Variants in MOB4 observed in about 807,000 individuals in gnomAD.
The protein encoded by MOB4 is MOB family member 4, phocein.
Under a neutral mutation model 32.2 loss-of-function variants are expected in MOB4, and 4 were observed. That is an observed-to-expected ratio of 0.12 (90% CI 0.06 to 0.28). MOB4 has a LOEUF of 0.28. MOB4 is among the 10% of genes least tolerant of loss of function. The probability of loss-of-function intolerance (pLI) is 1.00; values close to 1 mark genes in which losing one functional copy is unlikely to be tolerated. For synonymous variants in MOB4, 88 were observed against 88.1 expected, an observed-to-expected ratio of 1.00 and a Z score of 0.01; for missense variants, 158 against 271.2, an observed-to-expected ratio of 0.58 and a Z score of 2.93.
intron 2 of MOB4, among the ~76,000 whole-genome samples, chr2:197,524,225 T>G (rs2086569294): frequency 6.6e-6 from 1 of 151,894 alleles, no homozygotes; most frequent in African/African-American, 2.4e-5. Flanking sequence ...CAGAGTGAGA[T>G]CTTGTATCTT....
intron 1 of MOB4, among the ~76,000 whole-genome samples, chr2:197,521,679 TC>T (rs1464627949): frequency 6.6e-6 from 1 of 152,210 alleles, no homozygotes; most frequent in African/African-American, 2.4e-5. Context: ...CCAGGGATGT[TC>T]CTTGCTGAGA....
intron 1 of MOB4, among the ~76,000 whole-genome samples, chr2:197,519,568 G>T (rs2086477930): frequency 6.6e-6 from 1 of 152,144 alleles, no homozygotes; most frequent in Admixed American, 6.5e-5. Context: ...AGGGAATAAT[G>T]ACCAAAAAGA....
intron 5 of MOB4, among the ~76,000 whole-genome samples, chr2:197,542,407 T>C (rs536865844): frequency 1.3e-5 from 2 of 152,354 alleles, no homozygotes; most frequent in South Asian, 4.1e-4. Flanking sequence ...GGACACTTTC[T>C]GAACTGTTTT....
chr2:197,550,648 G>T lies in MOB4; in HGVS notation c.*2G>T. Reference sequence around the variant, plus strand: ...GTTTCTGGGGAAAGTGAAGCATGAAGGGAATCATAGGAAAAATGTACTGAT... The same window carrying T: ...GTTTCTGGGGAAAGTGAAGCATGAATGGAATCATAGGAAAAATGTACTGAT... On this transcript the variant is annotated 3_prime_UTR_variant, in exon 8 of 8. Transcript: ENST00000323303. 1.3e-6 allele frequency: 2 copies of T among 1,587,662 alleles called. No homozygotes were observed. The highest frequency in any genetic ancestry group is 2.3e-5 in the South Asian group (2 of 85,694).
At chr2:197,522,492 G>T (rs946505311) in intron 1 of MOB4, among the ~76,000 whole-genome samples, 1 of 151,158 alleles carries the variant, frequency 6.6e-6, no homozygotes, top group Non-Finnish European at 1.5e-5. Flanking sequence ...CACCATGCCC[G>T]GCTATTTTTT....
At chr2:197,533,324 A>G (rs1232056804) in intron 2 of MOB4, among the ~76,000 whole-genome samples, 1 of 152,184 alleles carries the variant, frequency 6.6e-6, no homozygotes, top group Non-Finnish European at 1.5e-5. Flanking sequence ...AAGGTATACA[A>G]TTTAGCTGTA....
At chr2:197,530,698 T>A (rs1457956025) in intron 2 of MOB4, among the ~76,000 whole-genome samples, 1 of 152,072 alleles carries the variant, frequency 6.6e-6, no homozygotes, top group African/African-American at 2.4e-5. Context: ...CTTCTTAGGC[T>A]CAAGCAATCC....
At chr2:197,541,701 C>T (rs1418719872) in intron 5 of MOB4, among the ~76,000 whole-genome samples, 1 of 152,056 alleles carries the variant, frequency 6.6e-6, no homozygotes, top group African/African-American at 2.4e-5. Flanking sequence ...GGGCGGATCA[C>T]GAGGTCAGGA....
intron 3 of MOB4, among the ~76,000 whole-genome samples, chr2:197,539,499 G>A (rs1220742094): frequency 6.6e-6 from 1 of 151,724 alleles, no homozygotes; most frequent in Non-Finnish European, 1.5e-5. Flanking sequence ...TTGTATTTTT[G>A]TGGCGATGGA....
chr2:197,551,981 CTT>C lies in MOB4; in HGVS notation c.*1340_*1341del, dbSNP rs2087105976. On this transcript the variant is annotated 3_prime_UTR_variant, in exon 8 of 8. Coordinates refer to ENST00000323303, the MANE Select transcript of MOB4 (RefSeq NM_015387.5). ...GAACAGATTTAACAAACATGAGGAACTTTTTTATTTAGAAGGATAATTTTGAA... is the reference window on the plus strand; with the variant it reads ...GAACAGATTTAACAAACATGAGGAACTTTTATTTAGAAGGATAATTTTGAA... 1 of 139,554 alleles carries C rather than the reference CTT, an allele frequency of 7.2e-6. No individual in the cohort carries two copies. The highest frequency in any genetic ancestry group is 2.8e-5 in the African/African-American group (1 of 35,710). The allele number at this position is 139,554 out of a possible 1,614,324, so 8.6% of individuals were successfully genotyped here.
chr2:197,523,799 C>T lies in MOB4; in HGVS notation c.123+113C>T, dbSNP rs751766766. The T allele has an allele frequency of 2.8e-5, 28 of 983,474 alleles. No homozygotes were observed. The South Asian group carries it at 3.0e-4, about 11-fold the overall frequency. 60.9% of individuals were successfully genotyped at this position (983,474 alleles called of 1,614,324 possible). ...TGCAGCAGTCTGCTTCCCAATAAAG[C>T]GTGCTCTTTCACAAAACAAAACAAA... is the stretch of plus-strand genomic sequence containing the variant. On this transcript the variant is annotated intron_variant, in intron 2 of 7. Transcript: ENST00000323303.
intron 3 of MOB4, among the ~76,000 whole-genome samples, chr2:197,536,210 C>G (rs184356813): frequency 6.6e-6 from 1 of 152,048 alleles, no homozygotes; most frequent in African/African-American, 2.4e-5. Flanking sequence ...TTATTATCCC[C>G]GCCTTTTTTT....
chr2:197,537,004 T>C (rs1297166035), intron 3 of MOB4, among the ~76,000 whole-genome samples: 1 of 152,042 alleles, frequency 6.6e-6, no homozygotes, highest in African/African-American at 2.4e-5. Context: ...CCTGCCAAAG[T>C]GCTGGGATTA....
At chr2:197,544,277 G>A (rs1045637718) in intron 5 of MOB4, among the ~76,000 whole-genome samples, 2 of 152,064 alleles carry the variant, frequency 1.3e-5, no homozygotes, top group African/African-American at 4.8e-5. Context: ...TCACCATGTT[G>A]ACCAGTTTGG....
intron 2 of MOB4, among the ~76,000 whole-genome samples, chr2:197,534,314 TGCATAAA>T (rs2086759382): frequency 6.6e-6 from 1 of 152,226 alleles, no homozygotes; most frequent in South Asian, 2.1e-4. Context: ...TCAAAAAGAT[TGCATAAA>T]GCATTACAGA....
At chr2:197,541,905 C>T (rs1359705269) in intron 5 of MOB4, among the ~76,000 whole-genome samples, 11 of 150,158 alleles carry the variant, frequency 7.3e-5, no homozygotes, top group African/African-American at 1.7e-4. Flanking sequence ...GGCGACAGAG[C>T]GAGACTCCGT....
At chr2:197,544,040 G>A (rs1325196841) in intron 5 of MOB4, among the ~76,000 whole-genome samples, 1 of 150,038 alleles carries the variant, frequency 6.7e-6, no homozygotes, top group Non-Finnish European at 1.5e-5. Flanking sequence ...GCGCCCAGCC[G>A]AGTTTCTTTC....
intron 3 of MOB4, among the ~76,000 whole-genome samples, chr2:197,538,288 T>C (rs932338288): frequency 6.6e-6 from 1 of 152,152 alleles, no homozygotes; most frequent in Non-Finnish European, 1.5e-5. Flanking sequence ...TGTTATTTTT[T>C]TCTACTAGCC....
intron 5 of MOB4, among the ~76,000 whole-genome samples, chr2:197,544,078 C>T (rs893350265): frequency 3.4e-5 from 5 of 146,682 alleles, no homozygotes; most frequent in Admixed American, 3.4e-4. Flanking sequence ...ACAAGAGTTT[C>T]GCTCTGTCGC....
Sources: allele counts gnomAD v4.1 joint callset (sites outside exome capture counted in the v4.1 genomes callset), GRCh38; gene constraint gnomAD v4.1.1; transcripts MANE v1.5; gene names NCBI Gene and HGNC (gene_info 2026-07-23, HGNC 2026-07-21).